Variants in EXOC4 observed in about 807,000 individuals in gnomAD.
EXOC4 encodes the protein SEC8-like 1.
In EXOC4, 71 loss-of-function variants were observed where a neutral mutation model predicts 107.2. The ratio of observed to expected loss-of-function variants is 0.66; its 90% CI spans 0.55 to 0.81. The LOEUF is 0.81. Among genes scored for constraint, EXOC4 ranks in the 30% least tolerant of loss-of-function variants. The probability of loss-of-function intolerance (pLI) is 0.00; values close to 1 mark genes in which losing one functional copy is unlikely to be tolerated. For synonymous variants in EXOC4, 456 were observed against 441.2 expected (o/e 1.03, Z -0.42); for missense variants, 1,108 against 1,189.6 (o/e 0.93, Z 1.01).
chr7:133,327,093 AG>A (rs1388120802), intron 5 of EXOC4, among the ~76,000 whole-genome samples: 1 of 152,120 alleles, frequency 6.6e-6, no homozygotes, highest in Non-Finnish European at 1.5e-5. Flanking sequence ...CTGATTTTCC[AG>A]GTGCCATCCA....
intron 10 of EXOC4, among the ~76,000 whole-genome samples, chr7:133,704,406 TTACACTGC>T (rs1304612353): frequency 1.3e-5 from 2 of 152,264 alleles, no homozygotes; most frequent in Non-Finnish European, 2.9e-5. Context: ...TGTTCCATAC[TTACACTGC>T]TATTCAGTTT....
chr7:133,329,867 A>G (rs184725867), intron 5 of EXOC4, among the ~76,000 whole-genome samples: 2 of 152,252 alleles, frequency 1.3e-5, no homozygotes, highest in East Asian at 3.9e-4. Context: ...GTCGGCCCCT[A>G]CTGGGAGGTG....
intron 9 of EXOC4, among the ~76,000 whole-genome samples, chr7:133,581,767 AAAAAAAAAAAAAG>A (rs1801280622): frequency 6.6e-6 from 1 of 151,476 alleles, no homozygotes; most frequent in Admixed American, 6.6e-5. Flanking sequence ...CAAAAAAAAA[AAAAAAAAAAAAAG>A]AATGACCTGA....
chr7:133,622,132 G>A (rs1347387307), intron 9 of EXOC4, among the ~76,000 whole-genome samples: 1 of 151,990 alleles, frequency 6.6e-6, no homozygotes, highest in Non-Finnish European at 1.5e-5. Context: ...ACCTCACCAT[G>A]CTGGGCTAAT....
At chr7:133,327,179 G>A (rs968332157) in intron 5 of EXOC4, among the ~76,000 whole-genome samples, 1 of 152,202 alleles carries the variant, frequency 6.6e-6, no homozygotes, top group Non-Finnish European at 1.5e-5. Flanking sequence ...GCTTCGCCCT[G>A]CTTCAGCTCA....
At chr7:134,083,017 T>G in the EXOC4 span, among the ~76,000 whole-genome samples, 2 of 152,174 alleles carry the variant, frequency 1.3e-5, no homozygotes, top group African/African-American at 4.8e-5. Flanking sequence ...CTCATAGACT[T>G]TGGAAGGAAC....
At chr7:133,260,017 C>T (rs1175608729) in intron 1 of EXOC4, among the ~76,000 whole-genome samples, 4 of 146,110 alleles carry the variant, frequency 2.7e-5, no homozygotes, top group Non-Finnish European at 6.0e-5. Flanking sequence ...TGATCCTTCT[C>T]TACCAGTTTT....
chr7:133,573,100 T>G (rs1437926826), intron 9 of EXOC4, among the ~76,000 whole-genome samples: 2 of 152,228 alleles, frequency 1.3e-5, no homozygotes, highest in Non-Finnish European at 2.9e-5. Flanking sequence ...GATGTGGTCA[T>G]GTATAGCAGT....
intron 6 of EXOC4, among the ~76,000 whole-genome samples, chr7:133,362,530 A>AT (rs1563035626): frequency 6.6e-6 from 1 of 152,178 alleles, no homozygotes; most frequent in Non-Finnish European, 1.5e-5. Flanking sequence ...AAGACTATAG[A>AT]TTTTCAGAAA....
chr7:133,808,327 A>AT (rs965086652), intron 10 of EXOC4, among the ~76,000 whole-genome samples: 4 of 151,816 alleles, frequency 2.6e-5, no homozygotes, highest in African/African-American at 7.3e-5. Context: ...ACCTTTATGG[A>AT]TTTTTTTTCG....
At chr7:133,412,689 C>T (rs978014624) in intron 7 of EXOC4, among the ~76,000 whole-genome samples, 3 of 151,726 alleles carry the variant, frequency 2.0e-5, no homozygotes, top group Admixed American at 6.6e-5. Context: ...AGAACAGGAC[C>T]GGGTCATAAG....
chr7:133,681,596 A>G (rs1462176118), intron 10 of EXOC4, among the ~76,000 whole-genome samples: 4 of 152,176 alleles, frequency 2.6e-5, no homozygotes, highest in African/African-American at 9.6e-5. Context: ...TTTTTGAAGG[A>G]CTTTGTAACA....
At chr7:133,524,088 C>T (rs1323647827) in intron 9 of EXOC4, among the ~76,000 whole-genome samples, 2 of 143,228 alleles carry the variant, frequency 1.4e-5, no homozygotes, top group Admixed American at 1.4e-4. Flanking sequence ...TATTTCTCCA[C>T]ATCCTCTCCA....
At chr7:133,481,499 C>T (rs1799156836) in intron 9 of EXOC4, among the ~76,000 whole-genome samples, 1 of 152,184 alleles carries the variant, frequency 6.6e-6, no homozygotes, top group Non-Finnish European at 1.5e-5. Context: ...TATGAAGTAA[C>T]CACTCAACCT....
chr7:133,428,552 TTTA>T (rs1368029715), intron 7 of EXOC4, among the ~76,000 whole-genome samples: 1 of 152,246 alleles, frequency 6.6e-6, no homozygotes, highest in Admixed American at 6.5e-5. Context: ...CTATTCTTAT[TTTA>T]TTATAATCCT....
chr7:134,084,727 A>AAAAAAAAAAAAAG, the EXOC4 span, among the ~76,000 whole-genome samples: 1 of 145,114 alleles, frequency 6.9e-6, no homozygotes, highest in African/African-American at 2.7e-5. Flanking sequence ...AAAAAAAAAA[A>AAAAAAAAAAAAAG]AAATTCACCA....
At chr7:133,945,734 A>G (rs1002316160) in intron 14 of EXOC4, among the ~76,000 whole-genome samples, 1 of 152,228 alleles carries the variant, frequency 6.6e-6, no homozygotes, top group Non-Finnish European at 1.5e-5. Flanking sequence ...ATATTCCAGC[A>G]TGTTTTTTAT....
intron 14 of EXOC4, among the ~76,000 whole-genome samples, chr7:133,986,286 C>T (rs1794112338): frequency 6.6e-6 from 1 of 152,142 alleles, no homozygotes; most frequent in Non-Finnish European, 1.5e-5. Flanking sequence ...AAATAGGAAG[C>T]AAAATGAAGA....
intron 11 of EXOC4, among the ~76,000 whole-genome samples, chr7:133,820,378 AT>A (rs769050892): frequency 5.3e-5 from 8 of 152,000 alleles, no homozygotes; most frequent in East Asian, 1.9e-4. Flanking sequence ...TTTTCTAATA[AT>A]TCCCCATACT....
Sources: gnomAD v4.1 joint callset for allele counts (sites outside exome capture counted in the v4.1 genomes callset) on GRCh38, gnomAD v4.1.1 for gene constraint, MANE v1.5 for transcripts, NCBI Gene and HGNC (gene_info 2026-07-23, HGNC 2026-07-21) for gene names.